FYB1: variants seen among roughly 807,000 people sequenced by gnomAD.
The protein encoded by FYB1 is FYN-binding protein 1.
A neutral mutation model predicts 94.1 loss-of-function variants in FYB1; 41 were observed. That is an observed-to-expected ratio of 0.44 (90% CI 0.34 to 0.57). The LOEUF (loss-of-function observed/expected upper bound fraction) is 0.57, where lower values mean the gene tolerates loss of function less well. FYB1 is among the 20% of genes least tolerant of loss of function. The pLI is 0.02. For missense variants in FYB1, 1,050 were observed against 976.8 expected (o/e 1.07, Z -1.00); for synonymous variants, 367 against 353.2 (o/e 1.04, Z -0.44).
intron 1 of FYB1, among the ~76,000 whole-genome samples, chr5:39,262,781 T>C (rs1229469163): frequency 6.6e-6 from 1 of 150,792 alleles, no homozygotes; most frequent in Non-Finnish European, 1.5e-5. Flanking sequence ...CAATGTAGAG[T>C]GAAAGAAGGC....
intron 1 of FYB1, among the ~76,000 whole-genome samples, chr5:39,238,607 G>A (rs1466003485): frequency 6.6e-6 from 1 of 152,050 alleles, no homozygotes; most frequent in Non-Finnish European, 1.5e-5. Context: ...AACTATTACT[G>A]TGGGTGCAAG....
At chr5:39,270,739 C>T (rs945594348) in intron 1 of FYB1, 3 of 521,346 alleles carry the variant, frequency 5.8e-6, no homozygotes, top group Non-Finnish European at 6.6e-6. Flanking sequence ...CATGTTATCT[C>T]AACCCTCAGA....
chr5:39,194,854 G>A (rs1484500036), intron 2 of FYB1, among the ~76,000 whole-genome samples: 1 of 152,160 alleles, frequency 6.6e-6, no homozygotes, highest in Non-Finnish European at 1.5e-5. Context: ...GCACCAGAAG[G>A]AAGAAGCCCT....
chr5:39,201,140 C>G (rs192591778), intron 2 of FYB1, among the ~76,000 whole-genome samples: 125 of 152,262 alleles, frequency 8.2e-4, no homozygotes, highest in African/African-American at 2.9e-3. Context: ...ACACAAAGTA[C>G]CATTTCATGA....
chr5:39,230,216 C>T (rs73089277), intron 1 of FYB1, among the ~76,000 whole-genome samples: 1,552 of 152,236 alleles, frequency 0.01, 25 homozygotes, highest in African/African-American at 0.036. Flanking sequence ...TGGGAAGACC[C>T]AAGTAACCAG....
At chr5:39,154,017 C>T (rs751985682) in intron 2 of FYB1, among the ~76,000 whole-genome samples, 3 of 152,082 alleles carry the variant, frequency 2.0e-5, no homozygotes, top group Non-Finnish European at 2.9e-5. Flanking sequence ...AACTCCTGGG[C>T]GCAAGCAATC....
chr5:39,226,787 T>C (rs1429896453), intron 1 of FYB1, among the ~76,000 whole-genome samples: 1 of 152,194 alleles, frequency 6.6e-6, no homozygotes, highest in Non-Finnish European at 1.5e-5. Context: ...TTTAGGGTGG[T>C]GCCAGGCAAA....
At chr5:39,227,297 T>G (rs1002295738) in intron 1 of FYB1, among the ~76,000 whole-genome samples, 1 of 152,192 alleles carries the variant, frequency 6.6e-6, no homozygotes, top group African/African-American at 2.4e-5. Context: ...TTGGTACAAC[T>G]GGAGAAATTT....
rs1561224651 is a variant in FYB1, at chr5:39,182,286, CATGTGTGT to C, written c.1135+19532_1135+19539del. Reference sequence around the variant, plus strand: ...AATGCTTTTTGTGTGTGTGTGCATGCATGTGTGTGTGTGTGTGTGTGTGTGTGTGTGTG... The same window carrying C: ...AATGCTTTTTGTGTGTGTGTGCATGCGTGTGTGTGTGTGTGTGTGTGTGTG... On this transcript the variant is annotated intron_variant, in intron 2 of 18. Transcript: ENST00000512982. Among the ~76,000 whole-genome samples, 4 of 99,250 alleles carry C rather than the reference CATGTGTGT, an allele frequency of 4.0e-5. No individual in the cohort carries two copies. The East Asian group carries it at 1.4e-3, about 34-fold the overall frequency. 65.1% of individuals were successfully genotyped at this position (99,250 alleles called of 152,430 possible).
Position 39,202,004 on chromosome 5 carries a change from C to T in FYB1, c.957G>A (p.Lys319=), listed in dbSNP as rs1349603528. The change falls in exon 2 of 19, where the codon AAG becomes AAA. Residue 319 remains lysine, a synonymous_variant. Coordinates refer to ENST00000512982, the MANE Select transcript of FYB1 (RefSeq NM_001465.6). ...GGCCCCATGGCCCCCCCACTGTCAGCTTAGAAGGGGCCTTAGGGAACCTGG... is the reference window on the plus strand; with the variant it reads ...GGCCCCATGGCCCCCCCACTGTCAGTTTAGAAGGGGCCTTAGGGAACCTGG... ...PPARFPKAPS[K]LTVGGPWGQS... is the part of the protein sequence containing the mutation. 4 of 1,613,944 alleles carry T rather than the reference C, an allele frequency of 2.5e-6. No individual in the cohort carries two copies. Among genetic ancestry groups the T allele is most frequent in the Non-Finnish European group, 3.4e-6 (4 of 1,179,908 alleles).
intron 2 of FYB1, among the ~76,000 whole-genome samples, chr5:39,173,590 T>C (rs1022549836): frequency 7.2e-5 from 11 of 152,230 alleles, no homozygotes; most frequent in Non-Finnish European, 2.9e-5. Context: ...TATATTTAAA[T>C]CTTTAACCCA....
At chr5:39,251,476 T>C (rs1257023482) in intron 1 of FYB1, among the ~76,000 whole-genome samples, 1 of 152,160 alleles carries the variant, frequency 6.6e-6, no homozygotes, top group Non-Finnish European at 1.5e-5. Flanking sequence ...TGGGCTGCTC[T>C]CTACTCCCTG....
intron 1 of FYB1, among the ~76,000 whole-genome samples, chr5:39,260,989 A>T (rs1402639834): frequency 2.6e-5 from 4 of 152,088 alleles, no homozygotes; most frequent in Admixed American, 6.6e-5. Context: ...ATGGGCAATT[A>T]CCCTGTATTA....
chr5:39,175,260 T>C (rs1322651949), intron 2 of FYB1, among the ~76,000 whole-genome samples: 1 of 152,192 alleles, frequency 6.6e-6, no homozygotes, highest in Non-Finnish European at 1.5e-5. Context: ...GGAGCCCAGT[T>C]GGTAGGCGTA....
rs560173619 is a variant in FYB1, at chr5:39,242,141, C to CT, written c.-28+32261dup. ...TTTTTCAATCTATTTTAACAATTTT[C>CT]TTTTTTTTATTATTATACTTTAAGT... On this transcript the variant is annotated intron_variant, in intron 1 of 1. Coordinates refer to the FYB1 transcript ENST00000510188. Among the ~76,000 whole-genome samples, 1,435 of 151,848 alleles carry CT rather than the reference C, an allele frequency of 9.5e-3. 23 individuals are homozygous for CT. Among genetic ancestry groups the CT allele is most frequent in the African/African-American group, 0.032 (1,343 of 41,412 alleles).
upstream of FYB1, among the ~76,000 whole-genome samples, chr5:39,223,842 C>G (rs79145758): frequency 0.029 from 4,439 of 152,218 alleles, 121 homozygotes; most frequent in Admixed American, 0.089. Context: ...CTCCCAGTAT[C>G]AAATATCCAT....
chr5:39,125,638 T>A (rs1740588459), intron 12 of FYB1, among the ~76,000 whole-genome samples: 1 of 152,172 alleles, frequency 6.6e-6, no homozygotes, highest in African/African-American at 2.4e-5. Flanking sequence ...TCAGATGTAA[T>A]GCTATATTTT....
At chr5:39,218,004 C>T (rs1037338520) in intron 1 of FYB1, among the ~76,000 whole-genome samples, 1 of 152,210 alleles carries the variant, frequency 6.6e-6, no homozygotes, top group African/African-American at 2.4e-5. Flanking sequence ...CGTAACTTGG[C>T]AAGGTGCAGC....
intron 2 of FYB1, among the ~76,000 whole-genome samples, chr5:39,177,289 C>T (rs1465645605): frequency 6.6e-6 from 1 of 152,148 alleles, no homozygotes; most frequent in African/African-American, 2.4e-5. Context: ...CGCCTGCTAC[C>T]TAGAGAGGAC....
Sources: gnomAD v4.1 joint callset for allele counts (sites outside exome capture counted in the v4.1 genomes callset) on GRCh38, gnomAD v4.1.1 for gene constraint, MANE v1.5 for transcripts, NCBI Gene and HGNC (gene_info 2026-07-23, HGNC 2026-07-21) for gene names.